L3MBTL4: variants seen among roughly 807,000 people sequenced by gnomAD.
The protein encoded by L3MBTL4 is lethal(3)malignant brain tumor-like protein 4.
In L3MBTL4, 70 loss-of-function variants were observed where a neutral mutation model predicts 84.5. The observed-to-expected ratio is 0.83, with a 90% confidence interval of 0.68 to 1.01. The LOEUF is 1.01. L3MBTL4 is among the 50% of genes least tolerant of loss of function. The pLI is 0.00. For missense variants in L3MBTL4, 715 were observed against 754.8 expected (o/e 0.95, Z 0.62); for synonymous variants, 274 against 259.8 (o/e 1.05, Z -0.52).
intron 1 of L3MBTL4, among the ~76,000 whole-genome samples, chr18:6,361,584 T>G (rs2053697223): frequency 6.6e-6 from 1 of 152,158 alleles, no homozygotes; most frequent in Non-Finnish European, 1.5e-5. Flanking sequence ...TGGAAATTGT[T>G]GGCAGAACCT....
chr18:6,192,148 C>T (rs1175204818), intron 12 of L3MBTL4, among the ~76,000 whole-genome samples: 4 of 152,090 alleles, frequency 2.6e-5, no homozygotes, highest in African/African-American at 9.7e-5. Flanking sequence ...CTGGAAGCCA[C>T]GTGAAGAAAC....
chr18:6,238,899 G>A (rs2047331918), intron 9 of L3MBTL4, among the ~76,000 whole-genome samples: 1 of 150,986 alleles, frequency 6.6e-6, no homozygotes. Context: ...ATGACCTCTT[G>A]CATATTTCAG....
intron 13 of L3MBTL4, among the ~76,000 whole-genome samples, chr18:6,171,018 A>G (rs1469542994): frequency 6.6e-6 from 1 of 152,188 alleles, no homozygotes; most frequent in Admixed American, 6.5e-5. Flanking sequence ...TGTTTGTCCA[A>G]TTATTTAGTC....
At chr18:5,990,804 T>TGA (rs2053661981) in intron 16 of L3MBTL4, among the ~76,000 whole-genome samples, 1 of 149,604 alleles carries the variant, frequency 6.7e-6, no homozygotes, top group Non-Finnish European at 1.5e-5. Context: ...TGTGTGTGTG[T>TGA]GATGGGCTAC....
intron 5 of L3MBTL4, among the ~76,000 whole-genome samples, chr18:6,262,879 G>A (rs1219516016): frequency 1.3e-5 from 2 of 152,168 alleles, no homozygotes; most frequent in East Asian, 1.9e-4. Context: ...CCATATCCAG[G>A]ATTACAAATG....
At chr18:6,005,635 C>T (rs2054440811) in intron 16 of L3MBTL4, among the ~76,000 whole-genome samples, 2 of 152,100 alleles carry the variant, frequency 1.3e-5, no homozygotes, top group Admixed American at 1.3e-4. Flanking sequence ...TAATGGTGTC[C>T]CGCTTCATCT....
At chr18:6,014,148 T>C (rs1185127125) in intron 16 of L3MBTL4, among the ~76,000 whole-genome samples, 7 of 152,184 alleles carry the variant, frequency 4.6e-5, no homozygotes, top group Admixed American at 2.6e-4. Context: ...TATGGGGCTG[T>C]TGTTGGGACA....
intron 16 of L3MBTL4, among the ~76,000 whole-genome samples, chr18:6,013,996 CT>C (rs1421378795): frequency 6.6e-6 from 1 of 152,176 alleles, no homozygotes; most frequent in Non-Finnish European, 1.5e-5. Flanking sequence ...TCTGTGGAGG[CT>C]TGTGGCTGGC....
intron 10 of L3MBTL4, among the ~76,000 whole-genome samples, chr18:6,228,276 T>A (rs1270271874): frequency 6.6e-6 from 1 of 152,154 alleles, no homozygotes; most frequent in African/African-American, 2.4e-5. Flanking sequence ...AAAGATCTCA[T>A]TGTAAAACTC....
chr18:5,960,686 A>T (rs1183615352), intron 17 of L3MBTL4: 1 of 152,294 alleles, frequency 6.6e-6, no homozygotes, highest in Admixed American at 6.5e-5. Flanking sequence ...CTGAAGCCAA[A>T]AGAGGTTCAG....
chr18:6,238,136 A>G, intron 9 of L3MBTL4, 96 bp from the exon 10 acceptor site: 1 of 1,063,282 alleles, frequency 9.4e-7, no homozygotes, highest in Non-Finnish European at 1.5e-6. Context: ...CAGATACCAC[A>G]GAAAACAGTA....
chr18:6,039,556 G>A (rs923885256), intron 16 of L3MBTL4, among the ~76,000 whole-genome samples: 2 of 151,570 alleles, frequency 1.3e-5, no homozygotes, highest in African/African-American at 4.9e-5. Flanking sequence ...TCTCTTATTT[G>A]GAGTTGTGCA....
rs535123957 is a variant in L3MBTL4 at position 6,238,990 on chromosome 18, C to T, written c.707+728G>A. On this transcript the variant is annotated intron_variant, in intron 9 of 18. Transcript: ENST00000317931. ...TGCATGGTAGCATACATTTTCTCTG[C>T]TCCCCATAGGCTTTCGAAGAATTCA... is the stretch of plus-strand genomic sequence containing the variant. 2.0e-5 allele frequency among the ~76,000 whole-genome samples: 3 copies of T among 151,970 alleles called. No homozygotes were observed. In the South Asian group the frequency reaches 6.2e-4, roughly 32 times the overall value.
chr18:5,991,652 A>G (rs1329551308), intron 16 of L3MBTL4, among the ~76,000 whole-genome samples: 1 of 152,228 alleles, frequency 6.6e-6, no homozygotes, highest in Non-Finnish European at 1.5e-5. Flanking sequence ...CAAGATTTTT[A>G]AAAAATTGAA....
At chr18:6,167,988 C>G (rs1171085698) in intron 13 of L3MBTL4, among the ~76,000 whole-genome samples, 2 of 152,146 alleles carry the variant, frequency 1.3e-5, no homozygotes, top group Non-Finnish European at 2.9e-5. Flanking sequence ...TCTCAGGATA[C>G]AAAATCAATG....
chr18:6,253,031 G>A (rs1450385184), intron 5 of L3MBTL4, among the ~76,000 whole-genome samples: 4 of 152,070 alleles, frequency 2.6e-5, no homozygotes, highest in Admixed American at 6.6e-5. Context: ...GTGAAACCCC[G>A]TCTCTACTAA....
intron 14 of L3MBTL4, among the ~76,000 whole-genome samples, chr18:6,111,945 C>T (rs935625717): frequency 1.3e-5 from 2 of 152,120 alleles, no homozygotes; most frequent in African/African-American, 4.8e-5. Flanking sequence ...TTGACTTATT[C>T]TTGTAACTGA....
At chr18:6,003,715 T>C (rs1860492624) in intron 16 of L3MBTL4, among the ~76,000 whole-genome samples, 1 of 152,140 alleles carries the variant, frequency 6.6e-6, no homozygotes, top group Non-Finnish European at 1.5e-5. Flanking sequence ...CTGACCACAA[T>C]TAGGTGAAAT....
intron 1 of L3MBTL4, among the ~76,000 whole-genome samples, chr18:6,341,743 A>G (rs1014478969): frequency 4.6e-5 from 7 of 152,130 alleles, no homozygotes; most frequent in Non-Finnish European, 1.0e-4. Flanking sequence ...ATTAAGACAG[A>G]AAACTTCCCA....
Sources: allele counts gnomAD v4.1 joint callset (sites outside exome capture counted in the v4.1 genomes callset), GRCh38; gene constraint gnomAD v4.1.1; transcripts MANE v1.5; gene names NCBI Gene and HGNC (gene_info 2026-07-23, HGNC 2026-07-21).